The following ANKS1B variants were observed in gnomAD, a reference collection of about 807,000 sequenced individuals.
The protein encoded by ANKS1B is ankyrin repeat and sterile alpha motif domain containing 1B.
A neutral mutation model predicts 148.3 loss-of-function variants in ANKS1B; 36 were observed. The observed-to-expected ratio is 0.24, with a 90% CI of 0.19 to 0.32. ANKS1B has a LOEUF of 0.32. Among genes scored for constraint, ANKS1B ranks in the 10% least tolerant of loss-of-function variants. The pLI is 1.00. For missense variants in ANKS1B, 1,157 were observed against 1,542.6 expected (o/e 0.75, Z 4.19); for synonymous variants, 542 against 560.8 (o/e 0.97, Z 0.47).
chr12:98,898,633 C>T (rs1247638498), intron 17 of ANKS1B, among the ~76,000 whole-genome samples: 1 of 152,104 alleles, frequency 6.6e-6, no homozygotes, highest in East Asian at 1.9e-4. Flanking sequence ...ATTCTTTCTT[C>T]AGTAATTTCA....
chr12:99,965,837 G>A (rs1305299585), intron 1 of ANKS1B, among the ~76,000 whole-genome samples: 2 of 152,092 alleles, frequency 1.3e-5, no homozygotes, highest in South Asian at 2.1e-4. Flanking sequence ...GCTTGAACCC[G>A]GGAGGCAGAG....
At chr12:99,820,417 ATAAAC>A (rs2082369148) in intron 2 of ANKS1B, among the ~76,000 whole-genome samples, 2 of 151,938 alleles carry the variant, frequency 1.3e-5, no homozygotes, top group African/African-American at 4.8e-5. Context: ...AAGCAAAAGA[ATAAAC>A]TATATGATCC....
At chr12:99,961,929 T>C (rs2095417430) in intron 1 of ANKS1B, among the ~76,000 whole-genome samples, 1 of 152,174 alleles carries the variant, frequency 6.6e-6, no homozygotes, top group African/African-American at 2.4e-5. Flanking sequence ...TACTTTGAAA[T>C]ACTGTGAAAA....
chr12:98,877,575 ATAT>A (rs776958815), intron 17 of ANKS1B, among the ~76,000 whole-genome samples: 4 of 152,240 alleles, frequency 2.6e-5, no homozygotes, highest in Non-Finnish European at 4.4e-5. Context: ...TGAACAAGAA[ATAT>A]TATCTCTTGT....
intron 4 of ANKS1B, among the ~76,000 whole-genome samples, chr12:99,803,957 G>C (rs1410545444): frequency 6.6e-6 from 1 of 152,086 alleles, no homozygotes; most frequent in Non-Finnish European, 1.5e-5. Flanking sequence ...ACTAAGCGTG[G>C]GGCAGAGATA....
chr12:99,662,410 T>C (rs1429588990), intron 8 of ANKS1B, among the ~76,000 whole-genome samples: 1 of 152,182 alleles, frequency 6.6e-6, no homozygotes, highest in Non-Finnish European at 1.5e-5. Flanking sequence ...ATTGCAGAGA[T>C]GCCTGTTGGG....
intron 4 of ANKS1B, among the ~76,000 whole-genome samples, chr12:99,796,855 T>C (rs2066319984): frequency 6.6e-6 from 1 of 151,964 alleles, no homozygotes; most frequent in Admixed American, 6.6e-5. Flanking sequence ...AATGCTATGT[T>C]AAGTAGAACT....
chr12:99,216,130 C>T (rs2084139294), intron 14 of ANKS1B, among the ~76,000 whole-genome samples: 1 of 152,216 alleles, frequency 6.6e-6, no homozygotes, highest in South Asian at 2.1e-4. Context: ...CACATGCTCT[C>T]TTGCCTGCCA....
intron 26 of ANKS1B, among the ~76,000 whole-genome samples, chr12:98,748,515 G>C (rs1476719751): frequency 6.6e-6 from 1 of 152,200 alleles, no homozygotes; most frequent in Admixed American, 6.5e-5. Context: ...CAGAGCCTGA[G>C]GTTGTGGGAA....
intron 8 of ANKS1B, among the ~76,000 whole-genome samples, chr12:99,663,475 T>A (rs1423784707): frequency 1.3e-5 from 2 of 150,946 alleles, no homozygotes; most frequent in Non-Finnish European, 2.9e-5. Flanking sequence ...CAACCATTTG[T>A]TCCATGTTAG....
chr12:99,133,217 A>AT (rs1394501177), intron 15 of ANKS1B, among the ~76,000 whole-genome samples: 6 of 151,346 alleles, frequency 4.0e-5, no homozygotes, highest in African/African-American at 7.3e-5. Context: ...ACGCCCAGCT[A>AT]TTTTTTTGTA....
At chr12:98,772,839 G>C (rs1423923356) in intron 25 of ANKS1B, among the ~76,000 whole-genome samples, 1 of 152,196 alleles carries the variant, frequency 6.6e-6, no homozygotes, top group Non-Finnish European at 1.5e-5. Flanking sequence ...CCCAGAAGCT[G>C]TGAGAAAATG....
At chr12:98,747,362 TA>T (rs1319454374) in intron 26 of ANKS1B, among the ~76,000 whole-genome samples, 1 of 152,214 alleles carries the variant, frequency 6.6e-6, no homozygotes, top group Non-Finnish European at 1.5e-5. Flanking sequence ...TCAACATCAC[TA>T]ATCATCAGGG....
At chr12:99,537,414 C>T (rs2097081751) in intron 9 of ANKS1B, among the ~76,000 whole-genome samples, 1 of 152,118 alleles carries the variant, frequency 6.6e-6, no homozygotes, top group Non-Finnish European at 1.5e-5. Context: ...TCTACATCCT[C>T]ACCAGCACTT....
At chr12:99,772,485 A>G (rs969134243) in intron 8 of ANKS1B, among the ~76,000 whole-genome samples, 6 of 152,086 alleles carry the variant, frequency 3.9e-5, no homozygotes, top group Non-Finnish European at 5.9e-5. Context: ...TGAACTTTCC[A>G]CATTTCTCTC....
At chr12:99,150,779 G>A (rs2074639225) in intron 15 of ANKS1B, among the ~76,000 whole-genome samples, 2 of 152,172 alleles carry the variant, frequency 1.3e-5, no homozygotes, top group Admixed American at 1.3e-4. Flanking sequence ...CTCAGGGGAA[G>A]TGAGTGAAAT....
In ANKS1B at chr12:99,908,471, T is replaced by G. The variant is rs549130950; in HGVS notation, c.134+75633A>C. Among the ~76,000 whole-genome samples the G allele has an allele frequency of 6.6e-5, 10 of 152,148 alleles. No individual in the cohort carries two copies. In the South Asian group the frequency reaches 2.1e-3, roughly 32 times the overall value. Reference sequence around the variant, plus strand: ...GATGTGCACCCATTGTCCCAGCTACTTGAGAGTCTGAGGTGAGAGAATCAC... The same window carrying G: ...GATGTGCACCCATTGTCCCAGCTACGTGAGAGTCTGAGGTGAGAGAATCAC... On this transcript the variant is annotated intron_variant, in intron 1 of 26. Transcript: ENST00000683438.
At chr12:99,054,293 T>C (rs1196331492) in intron 16 of ANKS1B, among the ~76,000 whole-genome samples, 1 of 152,228 alleles carries the variant, frequency 6.6e-6, no homozygotes, top group Non-Finnish European at 1.5e-5. Context: ...GATTTTCCTC[T>C]TTCTTTGATT....
intron 17 of ANKS1B, among the ~76,000 whole-genome samples, chr12:98,958,506 T>C (rs2099866086): frequency 6.6e-6 from 1 of 152,204 alleles, no homozygotes; most frequent in Non-Finnish European, 1.5e-5. Context: ...TCCAAATTGG[T>C]ACAGTAGGAT....
Sources: gnomAD v4.1 joint callset for allele counts (sites outside exome capture counted in the v4.1 genomes callset) on GRCh38, gnomAD v4.1.1 for gene constraint, MANE v1.5 for transcripts, NCBI Gene and HGNC (gene_info 2026-07-23, HGNC 2026-07-21) for gene names.